Variants in TCHH observed in about 807,000 individuals in gnomAD.
TCHH encodes trichohyalin.
TCHH carries 6 observed loss-of-function variants against 6.3 expected under a neutral mutation model. The ratio of observed to expected loss-of-function variants is 0.95; its 90% CI spans 0.52 to 1.88. The LOEUF is 1.88. Ranked by LOEUF, TCHH falls within the 40% of genes most tolerant of loss-of-function variation. TCHH has a pLI of 0.01. For missense variants in TCHH, 2,920 were observed against 2,449.1 expected (o/e 1.19, Z -4.06); for synonymous variants, 1,087 against 963.6 (o/e 1.13, Z -2.37).
At chr1:152,114,133 C>G in intron 1 of TCHH, 22 bp from the exon 2 acceptor site, 1 of 1,531,474 alleles carries the variant, frequency 6.5e-7, no homozygotes, top group Non-Finnish European at 8.8e-7. Context: ...AAATAAGATC[C>G]AGAATCAAAA....
chr1:152,111,335 C>G lies in TCHH; in HGVS notation c.1882G>C (p.Glu628Gln), dbSNP rs1288796109. 10 of 1,599,082 alleles carry G rather than the reference C, an allele frequency of 6.3e-6. No individual in the cohort carries two copies. Among genetic ancestry groups the G allele is most frequent in the Non-Finnish European group, 8.5e-6 (10 of 1,172,248 alleles). The change falls in exon 3 of 3, where the codon GAG becomes CAG. Residue 628 changes from glutamate to glutamine, a missense_variant. Physicochemically the swap from Glu to Gln is conservative, Grantham distance 29. Coordinates refer to ENST00000614923, the MANE Select transcript of TCHH (RefSeq NM_007113.4). ...QRLKREEPEE[E>Q]RRQQLLKSEE... ...CTCTTCAGCAGCTGCTGGCGCCTCT[C>G]TTCCTCCGGCTCCTCGCGCTTCAGC...
Position 152,108,632 on chromosome 1 carries a change from G to A in TCHH, c.4585C>T (p.Arg1529Trp), listed in dbSNP as rs75981854. 7.1e-3 allele frequency: 11,430 copies of A among 1,602,322 alleles called. 712 individuals carry two copies. In the Admixed American group the frequency reaches 0.12, roughly 17 times the overall value. ...TCCTCCTGGAGGAATTTTCTCTGCC[G>A]TTGCTGGCGGTGCAGCTGCTGTTCC... The part of the protein sequence containing the change: ...EEEQQLHRQQ[R>W]QRKFLQEEQQ... Residue 1529 changes from arginine (R) to tryptophan (W), a missense_variant, in exon 3 of 3, where the codon CGG becomes TGG. Arg to Trp is a moderately radical substitution (Grantham distance 101, BLOSUM62 -3). Transcript: ENST00000614923.
rs201559325 is a variant in TCHH at position 152,109,439 on chromosome 1, C to G, written c.3778G>C (p.Asp1260His). ...TGCAGATCTTGCTGGGATTGTCTGT[C>G]GCGCAGCTGGGAATCTTCCAACTGC... ...FRQLEDSQLR[D>H]RQSQQDLQHL... Residue 1260 changes from aspartate to histidine, a missense_variant, in exon 3 of 3, where the codon GAC becomes CAC. Asp to His is a moderately conservative substitution (Grantham distance 81). Coordinates refer to ENST00000614923, the MANE Select transcript of TCHH (RefSeq NM_007113.4). 69 of 1,613,742 alleles carry G rather than the reference C, an allele frequency of 4.3e-5. 1 individual carries two copies. In the Middle Eastern group the frequency reaches 4.9e-3, roughly 116 times the overall value.
At position 152,112,469 on chromosome 1, in the gene TCHH, C is replaced by G; in HGVS notation, c.748G>C (p.Glu250Gln). The part of the protein sequence containing the change: ...EEEEKEWRKR[E>Q]TVLRKEEEKL... ...TCTTCTTCCTTCCGGAGCACTGTCT[C>G]GCGCTTCCTCCACTCTTTCTCTTCT... Residue 250 changes from glutamate to glutamine, a missense_variant, in exon 3 of 3, where the codon GAG (glutamate) becomes CAG (glutamine). Transcript: ENST00000614923. 6.2e-7 allele frequency: 1 copy of G among 1,613,600 alleles called. No individual in the cohort carries two copies. Among genetic ancestry groups the G allele is most frequent in the Non-Finnish European group, 8.5e-7 (1 of 1,179,980 alleles).
Position 152,107,463 on chromosome 1 carries a change from A to C in TCHH, c.5754T>G (p.His1918Gln). Residue 1918 changes from histidine to glutamine, a missense_variant, in exon 3 of 3, where the codon CAT (histidine) becomes CAG (glutamine). His to Gln is a conservative substitution (Grantham distance 24). Coordinates refer to ENST00000614923, the MANE Select transcript of TCHH (RefSeq NM_007113.4). Reference sequence around the variant, plus strand: ...AGCGCACTGGGACACTGGCAAACTGATGAGTGCCGGGCTCCAGAAGCCGCC... The same window carrying C: ...AGCGCACTGGGACACTGGCAAACTGCTGAGTGCCGGGCTCCAGAAGCCGCC... ...GHGRLLEPGTHQFASVPVRSS... is the reference protein window; with the variant it reads ...GHGRLLEPGTQQFASVPVRSS... 6.2e-7 allele frequency: 1 copy of C among 1,614,050 alleles called. No individual in the cohort carries two copies. The highest frequency in any genetic ancestry group is 1.1e-5 in the South Asian group (1 of 91,056).
Position 152,108,944 on chromosome 1 carries a change from G to A in TCHH, c.4273C>T (p.Arg1425Cys), listed in dbSNP as rs767497333. The change falls in exon 3 of 3, where the codon CGC (arginine) becomes TGC (cysteine). Residue 1425 changes from arginine (R) to cysteine (C), a missense_variant. Arg to Cys is a radical substitution (Grantham distance 180). Transcript: ENST00000614923. ...CGGAATTTTCTGTCACGCTCTTGGC[G>A]GCTCAGCTGCTGTTCCTCCTCGCGG... The part of the protein sequence containing the change: ...KFREEEQQLS[R>C]QERDRKFREE... 4 of 1,612,868 alleles carry A rather than the reference G, an allele frequency of 2.5e-6. No individual in the cohort carries two copies. Among genetic ancestry groups the A allele is most frequent in the South Asian group, 1.1e-5 (1 of 91,020 alleles).
In TCHH at chr1:152,112,573, A is replaced by AGCTCCCGCC. The variant is rs763285623; in HGVS notation, c.635_643dup (p.Arg212_Glu214dup). 64 of 1,612,992 alleles carry AGCTCCCGCC rather than the reference A, an allele frequency of 4.0e-5. No homozygotes were observed. The highest frequency in any genetic ancestry group is 6.7e-5 in the Admixed American group (4 of 59,936). ...GCGGCCCTTCCTCCTCAGCTCCAGC[A>AGCTCCCGCC]GCTCCCGCCTTCGCAGTTGCTCTTC... On this transcript the variant is annotated inframe_insertion, in exon 3 of 3. Transcript: ENST00000614923.
Position 152,110,821 on chromosome 1 carries a change from C to T in TCHH, c.2396G>A (p.Arg799Lys), listed in dbSNP as rs750268378. The change falls in exon 3 of 3, where the codon AGG becomes AAG. Residue 799 changes from arginine to lysine, a missense_variant. By Grantham distance (26) the Arg-to-Lys change is conservative (BLOSUM62 2). Coordinates refer to ENST00000614923, the MANE Select transcript of TCHH (RefSeq NM_007113.4). Reference protein sequence around the residue: ...PLREQRERQLRAEERQQREQR... With the variant: ...PLREQRERQLKAEERQQREQR... ...TTCCCGCTGCTGGCGCTCCTCGGCC[C>T]TCAGCTGCCTCTCCCGCTGCTCCCG... 15 of 1,608,112 alleles carry T rather than the reference C, an allele frequency of 9.3e-6. No homozygotes were observed. In the East Asian group the frequency reaches 2.9e-4, roughly 31 times the overall value.
Position 152,111,317 on chromosome 1 carries a change from G to A in TCHH, c.1900C>T (p.Leu634=), listed in dbSNP as rs1195401225. The A allele has an allele frequency of 1.1e-5, 18 of 1,594,298 alleles. No individual in the cohort carries two copies. In the Admixed American group the frequency reaches 1.4e-4, roughly 12 times the overall value. ...CTCTCCTCCTGCTCCTCGCTCTTCA[G>A]CAGCTGCTGGCGCCTCTCTTCCTCC... The part of the protein sequence containing the change: ...EPEEERRQQL[L]KSEEQEERRQ... Residue 634 remains leucine (L), a synonymous_variant, in exon 3 of 3, where the codon CTG becomes TTG. Transcript: ENST00000614923.
Position 152,108,890 on chromosome 1 carries a change from C to T in TCHH, c.4327G>A (p.Glu1443Lys), listed in dbSNP as rs751576507. ...REEEQQVRRQ[E>K]RERKFLEEEQ... is the part of the protein sequence containing the mutation. ...TCCTCCAGGAATTTTCTCTCTCGTT[C>T]CTGGCGGCGCACCTGCTGTTCCTCT... is the stretch of plus-strand genomic sequence containing the variant. The change falls in exon 3 of 3, where the codon GAA becomes AAA. Residue 1443 changes from glutamate (E) to lysine (K), a missense_variant. Transcript: ENST00000614923. The T allele has an allele frequency of 5.0e-6, 8 of 1,613,320 alleles. No homozygotes were observed. The Admixed American group carries it at 5.0e-5, about 10-fold the overall frequency.
chr1:152,114,884 A>T (rs1172729456), intron 1 of TCHH, among the ~76,000 whole-genome samples: 1 of 152,256 alleles, frequency 6.6e-6, no homozygotes, highest in Non-Finnish European at 1.5e-5. Flanking sequence ...TTAAACCCAA[A>T]TGCATCATTG....
In TCHH at chr1:152,112,738, C is replaced by A. The variant is rs1276273893; in HGVS notation, c.479G>T (p.Arg160Leu). ...GCGCTGCCTGTCGCGCTGTTCAAGT[C>A]GCTCTTGTTTCTCACTTTGCTCCTC... ...EGEEQSEKQE[R>L]LEQRDRQRRD... Residue 160 changes from arginine (R) to leucine (L), a missense_variant, in exon 3 of 3, where the codon CGA becomes CTA. By Grantham distance (102) the Arg-to-Leu change is moderately radical. Coordinates refer to ENST00000614923, the MANE Select transcript of TCHH (RefSeq NM_007113.4). 2 of 1,614,086 alleles carry A rather than the reference C, an allele frequency of 1.2e-6. No individual in the cohort carries two copies. Among genetic ancestry groups the A allele is most frequent in the South Asian group, 2.2e-5 (2 of 91,074 alleles).
In TCHH at chr1:152,107,341, C is replaced by G. The variant is rs1658131236; in HGVS notation, c.*44G>C. On this transcript the variant is annotated 3_prime_UTR_variant, in exon 3 of 3. Transcript: ENST00000614923. ...TGGTACCCAGTGTTTCTCATTTTCC[C>G]GTGCTCGAAGCTTTGGCAGGTGTCA... 6.7e-7 allele frequency: 1 copy of G among 1,499,094 alleles called. No homozygotes were observed. Among genetic ancestry groups the G allele is most frequent in the Non-Finnish European group, 8.9e-7 (1 of 1,121,474 alleles). 92.9% of individuals were successfully genotyped at this position (1,499,094 alleles called of 1,614,324 possible).
At position 152,110,680 on chromosome 1, in the gene TCHH, G is replaced by A. The variant is rs920590396; in HGVS notation, c.2537C>T (p.Ala846Val). 3.1e-6 allele frequency: 5 copies of A among 1,611,878 alleles called. No homozygotes were observed. The highest frequency in any genetic ancestry group is 3.3e-5 in the Admixed American group (2 of 59,966). ...GTCCTCCTCCTCCTGGAGCTGTTGG[G>A]CACGCTCCCGCCGCTGGAGCTGCTC... ...EEEQLQRRER[A>V]QQLQEEEDGL... The change falls in exon 3 of 3, where the codon GCC becomes GTC. Residue 846 changes from alanine to valine, a missense_variant. Ala to Val is a moderately conservative substitution (Grantham distance 64). Coordinates refer to ENST00000614923, the MANE Select transcript of TCHH (RefSeq NM_007113.4).
rs758363037 is a variant in TCHH, at chr1:152,107,372, T to C, written c.*13A>G. ...CGAAGCTTTGGCAGGTGTCAAGATA[T>C]TGGCAACATCACTTAAGGGCGGTAT... On this transcript the variant is annotated 3_prime_UTR_variant, in exon 3 of 3. Transcript: ENST00000614923. The C allele has an allele frequency of 7.2e-6, 11 of 1,530,448 alleles. No individual in the cohort carries two copies. The highest frequency in any genetic ancestry group is 9.6e-6 in the Non-Finnish European group (11 of 1,140,008). The allele number at this position is 1,530,448 out of a possible 1,614,324, so 94.8% of individuals were successfully genotyped here.
Position 152,109,465 on chromosome 1 carries a change from C to A in TCHH, c.3752G>T (p.Arg1251Leu). 6.2e-7 allele frequency: 1 copy of A among 1,614,240 alleles called. No individual in the cohort carries two copies. Among genetic ancestry groups the A allele is most frequent in the South Asian group, 1.1e-5 (1 of 91,086 alleles). The change falls in exon 3 of 3, where the codon CGG (arginine) becomes CTG (leucine). Residue 1251 changes from arginine to leucine, a missense_variant. Transcript: ENST00000614923. Reference sequence around the variant, plus strand: ...GCGCAGCTGGGAATCTTCCAACTGCCGGAACTGTTCATTCTCTCTGCCTTT... The same window carrying A: ...GCGCAGCTGGGAATCTTCCAACTGCAGGAACTGTTCATTCTCTCTGCCTTT... ...YCKGRENEQF[R>L]QLEDSQLRDR...
chr1:152,110,607 G>A lies in TCHH; in HGVS notation c.2610C>T (p.Arg870=). The A allele has an allele frequency of 1.2e-6, 2 of 1,613,714 alleles. No homozygotes were observed. Among genetic ancestry groups the A allele is most frequent in the Middle Eastern group, 3.3e-4 (2 of 6,060 alleles). The change falls in exon 3 of 3, where the codon CGC becomes CGT. Residue 870 remains arginine, a synonymous_variant. Coordinates refer to ENST00000614923, the MANE Select transcript of TCHH (RefSeq NM_007113.4). ...CTAGTTGCCACCTCCATTTTTGGTC[G>A]CGGCGCTGCTCCTGGCTTCGCCTCC... is the stretch of plus-strand genomic sequence containing the variant. ...QERRRSQEQR[R]DQKWRWQLEE... is the part of the protein sequence containing the mutation.
chr1:152,110,471 C>T lies in TCHH; in HGVS notation c.2746G>A (p.Glu916Lys). 1.9e-6 allele frequency: 3 copies of T among 1,614,206 alleles called. No individual in the cohort carries two copies. Among genetic ancestry groups the T allele is most frequent in the East Asian group, 2.2e-5 (1 of 44,878 alleles). ...TGGCGCCTTCTCTTCTCGCGCTCCT[C>T]TCTCTGTAGCTCCTCCTCCTCCTCC... ...LQEEEEELQR[E>K]EREKRRRQEQ... The change falls in exon 3 of 3, where the codon GAG (glutamate) becomes AAG (lysine). Residue 916 changes from glutamate to lysine, a missense_variant. Transcript: ENST00000614923.
At chr1:152,114,979 G>A (rs1658476115) in intron 1 of TCHH, among the ~76,000 whole-genome samples, 1 of 152,214 alleles carries the variant, frequency 6.6e-6, no homozygotes. Context: ...TGGGATAAGT[G>A]TAGTCGTTCA....
Sources: allele counts gnomAD v4.1 joint callset (sites outside exome capture counted in the v4.1 genomes callset), GRCh38; gene constraint gnomAD v4.1.1; transcripts MANE v1.5; gene names NCBI Gene and HGNC (gene_info 2026-07-23, HGNC 2026-07-21).